The following ARCN1 variants were observed in gnomAD, a reference collection of about 807,000 sequenced individuals.
ARCN1 encodes coatomer subunit delta.
ARCN1 carries 5 observed loss-of-function variants against 60.4 expected under a neutral mutation model. That is an observed-to-expected ratio of 0.08 (90% CI 0.04 to 0.17). The LOEUF (loss-of-function observed/expected upper bound fraction) is 0.17, where lower values mean the gene tolerates loss of function less well. Among genes scored for constraint, ARCN1 ranks in the 10% least tolerant of loss-of-function variants. The pLI is 1.00. For synonymous variants in ARCN1, 224 were observed against 220.0 expected (o/e 1.02, Z -0.16); for missense variants, 464 against 626.5 (o/e 0.74, Z 2.77).
intron 2 of ARCN1, among the ~76,000 whole-genome samples, chr11:118,582,389 C>T (rs782027464): frequency 6.6e-6 from 1 of 151,970 alleles, no homozygotes. Context: ...CTTGGCGTCC[C>T]GAAGTGCTGG....
intron 5 of ARCN1, 68 bp from the exon 6 acceptor site, chr11:118,590,273 G>A (rs1200513526): frequency 7.1e-7 from 1 of 1,403,806 alleles, no homozygotes. Flanking sequence ...GGGGTTATAG[G>A]CATGAGCCAC....
chr11:118,573,688 A>T, intron 1 of ARCN1: 1 of 702,844 alleles, frequency 1.4e-6, no homozygotes, highest in Non-Finnish European at 2.6e-6. Context: ...GGCAATCCTA[A>T]TAAGTTCTAT....
intron 8 of ARCN1, among the ~76,000 whole-genome samples, chr11:118,595,725 T>A (rs1321875259): frequency 1.3e-5 from 2 of 152,242 alleles, no homozygotes; most frequent in Non-Finnish European, 2.9e-5. Context: ...GTAAGTGTAT[T>A]CTTAGTGTAT....
intron 7 of ARCN1, 26 bp downstream of exon 7, chr11:118,592,882 A>C (rs1475555526): frequency 8.8e-6 from 14 of 1,599,554 alleles, no homozygotes; most frequent in African/African-American, 1.3e-5. Context: ...CAGTCCCACT[A>C]AGCTAGTTTG....
chr11:118,573,562 G>A (rs1938407940), intron 1 of ARCN1: 13 of 620,200 alleles, frequency 2.1e-5, no homozygotes, highest in South Asian at 2.1e-4. Flanking sequence ...TGCACCTTAT[G>A]TCCTTTAGTC....
At chr11:118,589,790 T>A (rs1158557527) in intron 5 of ARCN1, among the ~76,000 whole-genome samples, 1 of 152,208 alleles carries the variant, frequency 6.6e-6, no homozygotes, top group Non-Finnish European at 1.5e-5. Context: ...CAAACAATTC[T>A]TCAGTGAATA....
chr11:118,584,450 G>C (rs1555075162), intron 4 of ARCN1, 30 bp from the exon 5 acceptor site: 8 of 1,587,018 alleles, frequency 5.0e-6, no homozygotes, highest in Non-Finnish European at 6.0e-6. Context: ...ATAAACCTTT[G>C]GGTAATGAAT....
intron 5 of ARCN1, among the ~76,000 whole-genome samples, chr11:118,587,458 G>A (rs1938803982): frequency 6.6e-6 from 1 of 152,150 alleles, no homozygotes; most frequent in Non-Finnish European, 1.5e-5. Context: ...TTATTTTGGA[G>A]ATAAGAATCT....
At chr11:118,574,052 AT>A (rs1383036187) in intron 1 of ARCN1, among the ~76,000 whole-genome samples, 24 of 152,308 alleles carry the variant, frequency 1.6e-4, no homozygotes, top group Non-Finnish European at 3.2e-4. Context: ...GGAACTTAGT[AT>A]TTTTAATTCA....
At chr11:118,584,134 A>G in intron 4 of ARCN1, 120 bp downstream of exon 4, 1 of 1,009,238 alleles carries the variant, frequency 9.9e-7, no homozygotes, top group Non-Finnish European at 1.4e-6. Context: ...GTAAGATATG[A>G]TGTTACATTT....
Position 118,583,953 on chromosome 11 carries a change from G to A in ARCN1, c.592G>A (p.Ala198Thr). ...SSAVSGGSTA[A>T]MITETIIETD... ...TGCAGTATCTGGAGGCAGCACAGCT[G>A]CCATGATCACAGAGACCATCATTGA... The change falls in exon 4 of 10, where the codon GCC becomes ACC. Residue 198 changes from alanine (A) to threonine (T), a missense_variant. Transcript: ENST00000264028. The A allele has an allele frequency of 6.2e-7, 1 of 1,614,240 alleles. No individual in the cohort carries two copies. Among genetic ancestry groups the A allele is most frequent in the Non-Finnish European group, 8.5e-7 (1 of 1,180,054 alleles).
chr11:118,591,612 C>T (rs1031447149), intron 6 of ARCN1, among the ~76,000 whole-genome samples: 2 of 151,778 alleles, frequency 1.3e-5, no homozygotes, highest in Non-Finnish European at 2.9e-5. Context: ...AAGCTGGTCT[C>T]GAACTCTTGA....
chr11:118,585,591 G>A (rs1555075374), intron 5 of ARCN1, among the ~76,000 whole-genome samples: 1 of 151,940 alleles, frequency 6.6e-6, no homozygotes, highest in East Asian at 1.9e-4. Context: ...CCAGGCTGGA[G>A]TACAGTGGTG....
At chr11:118,582,704 T>C (rs1555074843) in intron 2 of ARCN1, among the ~76,000 whole-genome samples, 186 of 114,042 alleles carry the variant, frequency 1.6e-3, no homozygotes, top group African/African-American at 5.3e-3. Flanking sequence ...CCAGACCGGG[T>C]GACAGAGTTA....
chr11:118,598,177 A>T (rs1206677547), intron 9 of ARCN1, among the ~76,000 whole-genome samples: 3 of 152,210 alleles, frequency 2.0e-5, no homozygotes, highest in Non-Finnish European at 4.4e-5. Context: ...ATTATGCAAG[A>T]TTCATAAACA....
chr11:118,592,631 G>C, intron 6 of ARCN1, 78 bp from the exon 7 acceptor site: 1 of 1,125,442 alleles, frequency 8.9e-7, no homozygotes, highest in Non-Finnish European at 1.2e-6. Context: ...TGTTTAGATT[G>C]TGGGCCATAT....
intron 8 of ARCN1, among the ~76,000 whole-genome samples, chr11:118,597,218 A>T (rs1182601566): frequency 1.3e-5 from 2 of 152,198 alleles, no homozygotes; most frequent in Non-Finnish European, 2.9e-5. Flanking sequence ...AAAACAAATG[A>T]ACAAGAAAAC....
intron 1 of ARCN1, among the ~76,000 whole-genome samples, chr11:118,580,166 T>TA (rs1194898061): frequency 1.3e-5 from 2 of 152,094 alleles, no homozygotes; most frequent in Admixed American, 1.3e-4. Context: ...CTACCGAAAA[T>TA]ACAAAAATTT....
chr11:118,576,727 T>A (rs1473645275), intron 1 of ARCN1, among the ~76,000 whole-genome samples: 9 of 152,138 alleles, frequency 5.9e-5, no homozygotes, highest in Non-Finnish European at 1.2e-4. Flanking sequence ...CTGGAACCTG[T>A]AATTTGTGGT....
Sources: allele counts gnomAD v4.1 joint callset (sites outside exome capture counted in the v4.1 genomes callset), GRCh38; gene constraint gnomAD v4.1.1; transcripts MANE v1.5; gene names NCBI Gene and HGNC (gene_info 2026-07-23, HGNC 2026-07-21).